FGF14: variants seen among roughly 807,000 people sequenced by gnomAD.
FGF14 encodes the protein fibroblast growth factor homologous factor 4.
Under a neutral mutation model 25.5 loss-of-function variants are expected in FGF14, and 5 were observed. The observed-to-expected ratio is 0.20, with a 90% CI of 0.10 to 0.41. The LOEUF is 0.41. Among genes scored for constraint, FGF14 ranks in the 10% least tolerant of loss-of-function variants. The pLI is 1.00. For synonymous variants in FGF14, 138 were observed against 118.3 expected, an observed-to-expected ratio of 1.17 and a Z score of -1.08; for missense variants, 222 against 320.1, an observed-to-expected ratio of 0.69 and a Z score of 2.34.
At chr13:102,282,135 C>T (rs917201961) in intron 1 of FGF14, among the ~76,000 whole-genome samples, 4 of 150,686 alleles carry the variant, frequency 2.7e-5, no homozygotes, top group African/African-American at 4.9e-5. Context: ...GGCACGATCT[C>T]GGCTCACCGC....
chr13:101,848,989 C>T (rs1433490971), intron 3 of FGF14, among the ~76,000 whole-genome samples: 1 of 151,900 alleles, frequency 6.6e-6, no homozygotes, highest in Non-Finnish European at 1.5e-5. Flanking sequence ...TTGTATTTTT[C>T]TTTTACTTTC....
intron 3 of FGF14, among the ~76,000 whole-genome samples, chr13:101,757,802 C>T (rs966944580): frequency 1.3e-5 from 2 of 152,110 alleles, no homozygotes; most frequent in Admixed American, 6.5e-5. Flanking sequence ...TATTTAGCCC[C>T]AGGAAACTGG....
At chr13:101,915,189 A>T (rs2033340760) in intron 1 of FGF14, among the ~76,000 whole-genome samples, 1 of 152,200 alleles carries the variant, frequency 6.6e-6, no homozygotes, top group African/African-American at 2.4e-5. Context: ...CAATTTCTTA[A>T]ATGTGACAAC....
intron 1 of FGF14, among the ~76,000 whole-genome samples, chr13:102,168,883 T>G (rs1183294361): frequency 6.6e-6 from 1 of 152,028 alleles, no homozygotes; most frequent in Admixed American, 6.6e-5. Flanking sequence ...GCAAGCAGGA[T>G]AGGGAGCATT....
chr13:101,790,169 T>C (rs1417571591), intron 3 of FGF14, among the ~76,000 whole-genome samples: 1 of 151,828 alleles, frequency 6.6e-6, no homozygotes, highest in East Asian at 1.9e-4. Flanking sequence ...CAAATCTCAT[T>C]TTTACCAAGC....
At chr13:101,826,336 G>A (rs540376679) in intron 3 of FGF14, among the ~76,000 whole-genome samples, 1 of 152,104 alleles carries the variant, frequency 6.6e-6, no homozygotes, top group South Asian at 2.1e-4. Context: ...ATGAGTCTGA[G>A]GATAATTTGA....
chr13:101,715,421 A>T lies in FGF14; in HGVS notation c.*7410T>A. The T allele has an allele frequency of 1.5e-6, 1 of 685,454 alleles. No homozygotes were observed. The highest frequency in any genetic ancestry group is 2.3e-5 in the Admixed American group (1 of 43,220). 42.5% of individuals were successfully genotyped at this position (685,454 alleles called of 1,614,324 possible). A position where few individuals can be genotyped will look rare whatever the true frequency, so the allele number is the denominator to read the frequency against. On this transcript the variant is annotated 3_prime_UTR_variant, in exon 5 of 5. Transcript: ENST00000376143. ...TCTCGCAGCTGCTTAATAAGATGTA[A>T]TAATAACATCATTGCACAATAAGAA...
chr13:102,388,815 T>C (rs772124025), intron 1 of FGF14, among the ~76,000 whole-genome samples: 7 of 152,214 alleles, frequency 4.6e-5, no homozygotes, highest in South Asian at 2.1e-4. Context: ...TTCTCAATCA[T>C]GTCGTTTCTC....
intron 1 of FGF14, among the ~76,000 whole-genome samples, chr13:101,939,094 T>C (rs1164281204): frequency 6.6e-6 from 1 of 152,008 alleles, no homozygotes; most frequent in African/African-American, 2.4e-5. Context: ...TGGCATGGAG[T>C]GAGCAGATTG....
At position 101,712,659 on chromosome 13, in the gene FGF14, G is replaced by A. The variant is rs2034525299; in HGVS notation, c.*10172C>T. ...TTCACTCATGGAAATAAAACACTAA[G>A]TATGGTGCCTTTCGAGGAAACTTCT... On this transcript the variant is annotated 3_prime_UTR_variant, in exon 5 of 5. Transcript: ENST00000376143. 1 of 152,122 alleles carries A rather than the reference G, an allele frequency of 6.6e-6. No individual in the cohort carries two copies. Among genetic ancestry groups the A allele is most frequent in the Admixed American group, 6.5e-5 (1 of 15,278 alleles). The allele number at this position is 152,122 out of a possible 1,614,324, so 9.4% of individuals were successfully genotyped here.
chr13:102,354,464 C>T (rs541445468), intron 1 of FGF14, among the ~76,000 whole-genome samples: 29 of 152,306 alleles, frequency 1.9e-4, no homozygotes, highest in Non-Finnish European at 3.7e-4. Context: ...ACCTGAAAGC[C>T]TCCTACCCAC....
chr13:102,374,551 T>C (rs978693732), intron 1 of FGF14, among the ~76,000 whole-genome samples: 2 of 150,398 alleles, frequency 1.3e-5, no homozygotes, highest in Non-Finnish European at 3.0e-5. Context: ...AGTCCATACC[T>C]TATTCACTTT....
At chr13:101,862,305 C>A (rs1374849431) in intron 3 of FGF14, among the ~76,000 whole-genome samples, 1 of 152,026 alleles carries the variant, frequency 6.6e-6, no homozygotes. Flanking sequence ...GCTGCCAAAG[C>A]ATCTGACTAC....
chr13:102,368,683 C>T lies in FGF14; in HGVS notation c.208+32788G>A, dbSNP rs916078688. 1.8e-4 allele frequency among the ~76,000 whole-genome samples: 28 copies of T among 152,110 alleles called. 1 individual carries two copies. Among genetic ancestry groups the T allele is most frequent in the Admixed American group, 1.6e-3 (25 of 15,262 alleles). ...AGATTTACCAATCCTGACAATAATGCCATGATTTCATTTCAGAATTACTCT... is the reference window on the plus strand; with the variant it reads ...AGATTTACCAATCCTGACAATAATGTCATGATTTCATTTCAGAATTACTCT... On this transcript the variant is annotated intron_variant, in intron 1 of 4. Transcript: ENST00000376131.
intron 1 of FGF14, among the ~76,000 whole-genome samples, chr13:102,113,460 G>A (rs1283035678): frequency 6.6e-6 from 1 of 152,096 alleles, no homozygotes; most frequent in Admixed American, 6.5e-5. Context: ...AAAGATCCCT[G>A]GGGACTATTT....
chr13:101,971,879 A>G (rs936934148), intron 1 of FGF14, among the ~76,000 whole-genome samples: 3 of 152,208 alleles, frequency 2.0e-5, no homozygotes, highest in African/African-American at 7.2e-5. Flanking sequence ...GCCAATACAT[A>G]ACTGTTTGAA....
intron 3 of FGF14, among the ~76,000 whole-genome samples, chr13:101,775,816 G>A (rs995417371): frequency 6.6e-6 from 1 of 152,124 alleles, no homozygotes; most frequent in African/African-American, 2.4e-5. Flanking sequence ...ATTGAGCCAA[G>A]GGGGAAACAT....
intron 3 of FGF14, among the ~76,000 whole-genome samples, chr13:101,733,871 A>G (rs952928092): frequency 4.6e-5 from 7 of 151,666 alleles, no homozygotes; most frequent in African/African-American, 1.7e-4. Flanking sequence ...TTGATTCATT[A>G]TATTTATTAC....
intron 2 of FGF14, among the ~76,000 whole-genome samples, chr13:101,870,627 C>T (rs2045005814): frequency 1.3e-5 from 2 of 152,064 alleles, no homozygotes; most frequent in Non-Finnish European, 2.9e-5. Flanking sequence ...TGAAAAAATA[C>T]TAGTGTTTTT....
Sources: gnomAD v4.1 joint callset for allele counts (sites outside exome capture counted in the v4.1 genomes callset) on GRCh38, gnomAD v4.1.1 for gene constraint, MANE v1.5 for transcripts, NCBI Gene and HGNC (gene_info 2026-07-23, HGNC 2026-07-21) for gene names.